DLG2: variants seen among roughly 807,000 people sequenced by gnomAD.
DLG2 encodes discs large MAGUK scaffold protein 2.
In DLG2, 45 loss-of-function variants were observed where a neutral mutation model predicts 132.5. The observed-to-expected ratio is 0.34, with a 90% CI of 0.27 to 0.44. The LOEUF is 0.44. Ranked by LOEUF, DLG2 falls within the 20% of genes least tolerant of loss-of-function variation. The pLI is 1.00. For synonymous variants in DLG2, 424 were observed against 419.6 expected, an observed-to-expected ratio of 1.01 and a Z score of -0.13; for missense variants, 1,045 against 1,196.9, an observed-to-expected ratio of 0.87 and a Z score of 1.87.
chr11:84,178,563 GC>G (rs1323772650), intron 8 of DLG2, among the ~76,000 whole-genome samples: 1 of 152,070 alleles, frequency 6.6e-6, no homozygotes, highest in Non-Finnish European at 1.5e-5. Context: ...CAAGTTGTAG[GC>G]TGCTTGAATG....
chr11:84,251,360 CTTAT>C, intron 7 of DLG2, 69 bp from the exon 8 acceptor site: 1 of 1,223,310 alleles, frequency 8.2e-7, no homozygotes, highest in Non-Finnish European at 1.1e-6. Context: ...TTTCTGTTAA[CTTAT>C]TTAACAAAGA....
At chr11:84,576,157 A>G (rs894245235) in intron 6 of DLG2, among the ~76,000 whole-genome samples, 2 of 152,198 alleles carry the variant, frequency 1.3e-5, no homozygotes, top group Non-Finnish European at 1.5e-5. Flanking sequence ...TTAACATCAT[A>G]TATCATTCTG....
chr11:83,932,769 G>A (rs1404235870), intron 14 of DLG2, among the ~76,000 whole-genome samples: 1 of 151,908 alleles, frequency 6.6e-6, no homozygotes, highest in African/African-American at 2.4e-5. Context: ...TTCTTTCAAG[G>A]GAGCCATAAG....
chr11:85,567,570 T>C (rs532758195), intron 3 of DLG2, among the ~76,000 whole-genome samples: 29 of 152,292 alleles, frequency 1.9e-4, no homozygotes, highest in African/African-American at 5.8e-4. Flanking sequence ...TACAAGATCA[T>C]GTAATCTGGG....
chr11:84,687,744 A>T (rs2099739367), intron 6 of DLG2, among the ~76,000 whole-genome samples: 1 of 152,166 alleles, frequency 6.6e-6, no homozygotes, highest in Non-Finnish European at 1.5e-5. Flanking sequence ...GAAGATCATA[A>T]CTATAGTTAC....
intron 3 of DLG2, among the ~76,000 whole-genome samples, chr11:85,579,374 C>G (rs367732862): frequency 2.1e-4 from 32 of 151,534 alleles, no homozygotes; most frequent in African/African-American, 7.0e-4. Context: ...CATGTATCCT[C>G]GAAATCAAAA....
chr11:83,455,264 G>A lies in DLG2; in HGVS notation c.*4554C>T, dbSNP rs1425603011. On this transcript the variant is annotated 3_prime_UTR_variant, in exon 28 of 28. Coordinates refer to ENST00000376104, the MANE Select transcript of DLG2 (RefSeq NM_001142699.3). ...TTAACAGGAGTGTAAGCTGTGCAGT[G>A]TCTCTGTAAACTCCAGCCTAGGCAA... 6.6e-6 allele frequency: 1 copy of A among 152,608 alleles called. No homozygotes were observed. The highest frequency in any genetic ancestry group is 1.5e-5 in the Non-Finnish European group (1 of 68,034). 9.5% of individuals were successfully genotyped at this position (152,608 alleles called of 1,614,324 possible).
At chr11:84,860,967 A>T (rs1015704459) in intron 6 of DLG2, among the ~76,000 whole-genome samples, 1 of 152,164 alleles carries the variant, frequency 6.6e-6, no homozygotes, top group Non-Finnish European at 1.5e-5. Context: ...GTAAATATTT[A>T]CTGAACATCT....
intron 3 of DLG2, among the ~76,000 whole-genome samples, chr11:85,454,649 GT>G (rs1361300555): frequency 6.6e-6 from 1 of 152,146 alleles, no homozygotes; most frequent in Admixed American, 6.6e-5. Context: ...TTCTTCTAGA[GT>G]TTTTATAGTT....
intron 7 of DLG2, among the ~76,000 whole-genome samples, chr11:84,445,265 T>C (rs1055212384): frequency 6.6e-6 from 1 of 152,222 alleles, no homozygotes; most frequent in Admixed American, 6.5e-5. Context: ...CCCCTCTTTC[T>C]GGATTAAATT....
intron 7 of DLG2, among the ~76,000 whole-genome samples, chr11:84,325,507 T>C (rs1270238649): frequency 1.3e-5 from 2 of 152,204 alleles, no homozygotes; most frequent in Admixed American, 6.5e-5. Flanking sequence ...ATTGATATAA[T>C]TGCATTATTT....
chr11:83,618,807 T>C (rs2061220405), intron 19 of DLG2, among the ~76,000 whole-genome samples: 1 of 152,202 alleles, frequency 6.6e-6, no homozygotes, highest in South Asian at 2.1e-4. Flanking sequence ...ACAGCTTTGC[T>C]TTTGGAACCT....
chr11:83,703,925 G>GA (rs1203335323), intron 18 of DLG2, among the ~76,000 whole-genome samples: 6 of 151,302 alleles, frequency 4.0e-5, no homozygotes, highest in South Asian at 2.1e-4. Flanking sequence ...TTTTACAAAA[G>GA]AAAAAAAATG....
At chr11:84,178,629 C>G (rs185361208) in intron 8 of DLG2, among the ~76,000 whole-genome samples, 6 of 152,246 alleles carry the variant, frequency 3.9e-5, no homozygotes, top group Admixed American at 6.6e-5. Context: ...GGAAGGCTTA[C>G]TGGCTCAAGG....
In DLG2 at chr11:85,387,342, T is replaced by G. The variant is rs369146149; in HGVS notation, c.41-101977A>C. ...AAGATGATATTTAGTCCATTCTACC[T>G]CAAGACTATTAACTTGTATGAAAAG... is the stretch of plus-strand genomic sequence containing the variant. On this transcript the variant is annotated intron_variant, in intron 3 of 27. Coordinates refer to ENST00000376104, the MANE Select transcript of DLG2 (RefSeq NM_001142699.3). Among the ~76,000 whole-genome samples the G allele has an allele frequency of 7.2e-5, 11 of 152,324 alleles. No homozygotes were observed. In the East Asian group the frequency reaches 2.1e-3, roughly 29 times the overall value.
intron 6 of DLG2, among the ~76,000 whole-genome samples, chr11:85,006,502 GTTTA>G (rs1383344006): frequency 6.6e-6 from 1 of 152,110 alleles, no homozygotes; most frequent in Non-Finnish European, 1.5e-5. Context: ...ACATTTTCTA[GTTTA>G]TTTGTGTAGA....
At chr11:85,591,613 C>T (rs898717477) in intron 3 of DLG2, among the ~76,000 whole-genome samples, 3 of 152,134 alleles carry the variant, frequency 2.0e-5, no homozygotes, top group Non-Finnish European at 2.9e-5. Flanking sequence ...CGTGGTGGCA[C>T]ATGCCTGTAG....
intron 18 of DLG2, among the ~76,000 whole-genome samples, chr11:83,674,121 C>A (rs914140350): frequency 4.6e-5 from 7 of 152,130 alleles, no homozygotes; most frequent in Non-Finnish European, 1.0e-4. Flanking sequence ...AAAATATTTA[C>A]AACTAGCTGT....
chr11:83,819,396 G>A (rs2050035027), intron 17 of DLG2, among the ~76,000 whole-genome samples: 1 of 148,668 alleles, frequency 6.7e-6, no homozygotes, highest in Non-Finnish European at 1.5e-5. Context: ...CTTGGACCTG[G>A]GAGGCTGAGG....
Sources: gnomAD v4.1 joint callset for allele counts (sites outside exome capture counted in the v4.1 genomes callset) on GRCh38, gnomAD v4.1.1 for gene constraint, MANE v1.5 for transcripts, NCBI Gene and HGNC (gene_info 2026-07-23, HGNC 2026-07-21) for gene names.